The following IDE variants were observed in gnomAD, a reference collection of about 807,000 sequenced individuals.
IDE encodes the protein insulin-degrading enzyme.
A neutral mutation model predicts 133.2 loss-of-function variants in IDE; 58 were observed. The observed-to-expected ratio is 0.44, with a 90% confidence interval of 0.35 to 0.54. IDE has a LOEUF of 0.54. Ranked by LOEUF, IDE falls within the 20% of genes least tolerant of loss-of-function variation. The pLI, the probability that IDE is intolerant of heterozygous loss-of-function variation, is 0.00. For missense variants in IDE, 981 were observed against 1,234.0 expected, an observed-to-expected ratio of 0.79 and a Z score of 3.07; for synonymous variants, 396 against 421.3, an observed-to-expected ratio of 0.94 and a Z score of 0.73.
chr10:92,566,631 A>T (rs372864530), intron 1 of IDE, among the ~76,000 whole-genome samples: 80 of 151,670 alleles, frequency 5.3e-4, no homozygotes, highest in Non-Finnish European at 9.7e-4. Context: ...TGGGTGGTTG[A>T]GGGCAGGTGG....
chr10:92,506,524 TA>T lies in IDE; in HGVS notation c.1246-3del. 1 of 1,513,894 alleles carries T rather than the reference TA, an allele frequency of 6.6e-7. No homozygotes were observed. Among genetic ancestry groups the T allele is most frequent in the Non-Finnish European group, 9.2e-7 (1 of 1,092,600 alleles). 93.8% of individuals were successfully genotyped at this position (1,513,894 alleles called of 1,614,324 possible). Reference sequence around the variant, plus strand: ...CCTAAAAGCAACAGCATTCAAGTCCTAAAATAGAAAGTTAATCCAATTAGAT... The same window carrying T: ...CCTAAAAGCAACAGCATTCAAGTCCTAAATAGAAAGTTAATCCAATTAGAT... On this transcript the variant is annotated splice_region_variant and splice_polypyrimidine_tract_variant and intron_variant, in intron 9 of 24. Transcript: ENST00000265986.
chr10:92,493,589 A>G (rs187669472), intron 11 of IDE, among the ~76,000 whole-genome samples: 2 of 145,032 alleles, frequency 1.4e-5, no homozygotes, highest in Non-Finnish European at 3.0e-5. Flanking sequence ...GCTCAGGTTA[A>G]AAAAAAAAAA....
chr10:92,549,457 C>CTCAATCAA (rs371643247), intron 1 of IDE, among the ~76,000 whole-genome samples: 1 of 151,976 alleles, frequency 6.6e-6, no homozygotes, highest in Non-Finnish European at 1.5e-5. Flanking sequence ...CTACATATCT[C>CTCAATCAA]TCAATCAATC....
chr10:92,524,419 ATATATAATATATTT>A (rs1412671947), intron 4 of IDE, among the ~76,000 whole-genome samples: 1 of 68,248 alleles, frequency 1.5e-5, no homozygotes, highest in South Asian at 3.5e-4. Flanking sequence ...ATATTATATT[ATATATAATATATTT>A]TATATAATAT....
chr10:92,573,734 G>T (rs986666679), intron 1 of IDE, among the ~76,000 whole-genome samples, 188 bp downstream of exon 1: 5 of 152,198 alleles, frequency 3.3e-5, no homozygotes, highest in African/African-American at 1.2e-4. Context: ...TCTGGCTCCC[G>T]CCTGGCGAGC....
At chr10:92,513,987 A>G (rs1848766398) in intron 5 of IDE, among the ~76,000 whole-genome samples, 2 of 152,188 alleles carry the variant, frequency 1.3e-5, no homozygotes, top group African/African-American at 4.8e-5. Flanking sequence ...TTTCTATAAG[A>G]TATTCTATTT....
intron 11 of IDE, among the ~76,000 whole-genome samples, chr10:92,501,362 TAAAAAAAAAAAAAAAAA>T (rs55861862): frequency 1.6e-4 from 3 of 19,218 alleles, no homozygotes; most frequent in Non-Finnish European, 2.6e-4. Flanking sequence ...ACTCTGTCAT[TAAAAAAAAAAAAAAAAA>T]AAAAAAAAAA....
At chr10:92,569,771 CAG>C (rs1185409217) in intron 1 of IDE, among the ~76,000 whole-genome samples, 12 of 152,162 alleles carry the variant, frequency 7.9e-5, no homozygotes, top group African/African-American at 2.7e-4. Flanking sequence ...ATGTGTCAGG[CAG>C]AGTGTGATGC....
intron 1 of IDE, among the ~76,000 whole-genome samples, chr10:92,558,433 G>A (rs1473513345): frequency 1.3e-5 from 2 of 152,120 alleles, no homozygotes; most frequent in Non-Finnish European, 2.9e-5. Flanking sequence ...GACATCAAAA[G>A]CACAACCAGT....
At chr10:92,573,817 G>A in intron 1 of IDE, 105 bp downstream of exon 1, 1 of 776,384 alleles carries the variant, frequency 1.3e-6, no homozygotes. Flanking sequence ...GCGGCGTGAG[G>A]GGCAGCGGTG....
intron 5 of IDE, 141 bp downstream of exon 5, chr10:92,514,779 A>G (rs1848813122): frequency 3.2e-6 from 2 of 622,262 alleles, no homozygotes; most frequent in Non-Finnish European, 5.4e-6. Flanking sequence ...CCACCTATGT[A>G]TTCTCTAACA....
intron 11 of IDE, among the ~76,000 whole-genome samples, chr10:92,492,640 T>C (rs1276024039): frequency 6.6e-6 from 1 of 152,172 alleles, no homozygotes; most frequent in East Asian, 1.9e-4. Context: ...TCAAATAATA[T>C]CTGTTCCTGC....
At chr10:92,544,683 T>C (rs1462592231) in intron 1 of IDE, among the ~76,000 whole-genome samples, 1 of 152,212 alleles carries the variant, frequency 6.6e-6, no homozygotes, top group African/African-American at 2.4e-5. Context: ...AAACAAAAAT[T>C]AAACTAGGTC....
intron 12 of IDE, among the ~76,000 whole-genome samples, chr10:92,488,574 G>T (rs936080921): frequency 1.3e-5 from 2 of 151,946 alleles, no homozygotes; most frequent in African/African-American, 2.4e-5. Flanking sequence ...TCAGGAGTTC[G>T]AGACCAGTCT....
chr10:92,544,451 A>T (rs1842453179), intron 1 of IDE, among the ~76,000 whole-genome samples: 1 of 152,190 alleles, frequency 6.6e-6, no homozygotes, highest in Non-Finnish European at 1.5e-5. Context: ...AACCAAAAAG[A>T]AAAAAAAGAA....
At chr10:92,505,344 G>A (rs969384940) in intron 10 of IDE, among the ~76,000 whole-genome samples, 3 of 152,094 alleles carry the variant, frequency 2.0e-5, no homozygotes, top group Non-Finnish European at 4.4e-5. Flanking sequence ...GGAAGCGGCT[G>A]TGGAAAAAAA....
At chr10:92,521,949 C>T (rs958161334) in intron 4 of IDE, among the ~76,000 whole-genome samples, 2 of 151,368 alleles carry the variant, frequency 1.3e-5, no homozygotes, top group African/African-American at 4.8e-5. Flanking sequence ...CAAAATAATA[C>T]AAAAGGGTGA....
At position 92,477,157 on chromosome 10, in the gene IDE, A is replaced by T. The variant is rs1589388235; in HGVS notation, c.1885-1163T>A. On this transcript the variant is annotated intron_variant, in intron 15 of 24. Coordinates refer to ENST00000265986, the MANE Select transcript of IDE (RefSeq NM_004969.4). ...TATCATCAGGACCTTGGCTTAGCAC[A>T]TTTTTTTTTTTCTGAGACAGGGTCT... Among the ~76,000 whole-genome samples the T allele has an allele frequency of 2.7e-5, 4 of 149,350 alleles. No homozygotes were observed. The South Asian group carries it at 8.4e-4, about 31-fold the overall frequency.
At chr10:92,524,081 T>G (rs1849376818) in intron 4 of IDE, among the ~76,000 whole-genome samples, 1 of 151,364 alleles carries the variant, frequency 6.6e-6, no homozygotes, top group African/African-American at 2.4e-5. Flanking sequence ...TAAAGGCATA[T>G]GTGAATAATG....
Sources: gnomAD v4.1 joint callset for allele counts (sites outside exome capture counted in the v4.1 genomes callset) on GRCh38, gnomAD v4.1.1 for gene constraint, MANE v1.5 for transcripts, NCBI Gene and HGNC (gene_info 2026-07-23, HGNC 2026-07-21) for gene names.